ITFG1: variants seen among roughly 807,000 people sequenced by gnomAD.
ITFG1 encodes T-cell immunomodulatory protein.
Under a neutral mutation model 81.8 loss-of-function variants are expected in ITFG1, and 34 were observed. The observed-to-expected ratio is 0.42, with a 90% CI of 0.32 to 0.55. ITFG1 has a LOEUF of 0.55. Among genes scored for constraint, ITFG1 ranks in the 20% least tolerant of loss-of-function variants. The pLI is 0.17. For synonymous variants in ITFG1, 285 were observed against 270.6 expected, an observed-to-expected ratio of 1.05 and a Z score of -0.52; for missense variants, 672 against 755.4, an observed-to-expected ratio of 0.89 and a Z score of 1.29.
intron 8 of ITFG1, among the ~76,000 whole-genome samples, chr16:47,357,109 G>T (rs1968049469): frequency 6.6e-6 from 1 of 151,702 alleles, no homozygotes; most frequent in Non-Finnish European, 1.5e-5. Context: ...ATTTATCATA[G>T]ATCAATTATA....
chr16:47,216,813 C>T (rs181254097), intron 14 of ITFG1, among the ~76,000 whole-genome samples: 1 of 151,964 alleles, frequency 6.6e-6, no homozygotes, highest in East Asian at 1.9e-4. Flanking sequence ...AGGCGACCGC[C>T]ACCACGTGCA....
intron 8 of ITFG1, among the ~76,000 whole-genome samples, chr16:47,332,646 C>T (rs553520660): frequency 1.8e-4 from 27 of 152,250 alleles, no homozygotes; most frequent in African/African-American, 6.0e-4. Context: ...TCCTTTATCT[C>T]CATCATTTTA....
At chr16:47,210,622 G>A (rs1312365135) in intron 14 of ITFG1, among the ~76,000 whole-genome samples, 1 of 152,112 alleles carries the variant, frequency 6.6e-6, no homozygotes, top group Non-Finnish European at 1.5e-5. Context: ...ATATCCTCAT[G>A]ATTCTTGTTA....
chr16:47,200,877 G>A (rs930007672), intron 14 of ITFG1, among the ~76,000 whole-genome samples: 1 of 152,086 alleles, frequency 6.6e-6, no homozygotes, highest in East Asian at 1.9e-4. Context: ...TATTCTAATC[G>A]AAGCTAAAAA....
At chr16:47,445,273 A>G (rs1437269775) in intron 5 of ITFG1, among the ~76,000 whole-genome samples, 3 of 149,830 alleles carry the variant, frequency 2.0e-5, no homozygotes, top group Non-Finnish European at 3.0e-5. Flanking sequence ...AAAAAAAAAA[A>G]GATTTCCCCC....
intron 7 of ITFG1, among the ~76,000 whole-genome samples, chr16:47,368,004 G>C (rs557442537): frequency 6.6e-6 from 1 of 152,058 alleles, no homozygotes; most frequent in Non-Finnish European, 1.5e-5. Context: ...TTGGGAGGTC[G>C]AGGCGGGCGG....
intron 10 of ITFG1, among the ~76,000 whole-genome samples, chr16:47,307,210 T>A (rs542710958): frequency 2.0e-5 from 3 of 150,528 alleles, no homozygotes; most frequent in Admixed American, 6.6e-5. Flanking sequence ...ATCTAAAGAC[T>A]TAGAGAAAAT....
chr16:47,443,679 A>G (rs1032774252), intron 5 of ITFG1, among the ~76,000 whole-genome samples: 3 of 152,148 alleles, frequency 2.0e-5, no homozygotes, highest in African/African-American at 4.8e-5. Flanking sequence ...GTTCTCACTC[A>G]TAAGTGAGAA....
At chr16:47,340,215 T>C (rs1255050643) in intron 8 of ITFG1, among the ~76,000 whole-genome samples, 1 of 151,936 alleles carries the variant, frequency 6.6e-6, no homozygotes, top group African/African-American at 2.4e-5. Context: ...TAAAAAGCCA[T>C]ATAAAGAAAA....
intron 6 of ITFG1, among the ~76,000 whole-genome samples, chr16:47,389,711 T>C (rs1567483377): frequency 6.6e-6 from 1 of 152,154 alleles, no homozygotes; most frequent in African/African-American, 2.4e-5. Context: ...CTCACTGCAA[T>C]TAAGTTAGTA....
At chr16:47,231,363 C>A (rs1450252682) in intron 13 of ITFG1, among the ~76,000 whole-genome samples, 1 of 151,798 alleles carries the variant, frequency 6.6e-6, no homozygotes, top group East Asian at 1.9e-4. Flanking sequence ...ATGCCTTATA[C>A]TGAGAATAAA....
chr16:47,194,251 A>T (rs1454300837), intron 14 of ITFG1, among the ~76,000 whole-genome samples: 1 of 152,140 alleles, frequency 6.6e-6, no homozygotes, highest in Non-Finnish European at 1.5e-5. Context: ...TTTGAACTCT[A>T]TTGCACTTAT....
intron 6 of ITFG1, among the ~76,000 whole-genome samples, chr16:47,388,448 A>C (rs1968489993): frequency 6.6e-6 from 1 of 152,174 alleles, no homozygotes; most frequent in South Asian, 2.1e-4. Flanking sequence ...TTTTTGAAAG[A>C]AGCAAGGGAA....
intron 14 of ITFG1, among the ~76,000 whole-genome samples, chr16:47,204,259 C>T (rs944623559): frequency 6.6e-6 from 1 of 152,118 alleles, no homozygotes. Context: ...CCAACCCTGC[C>T]GAAGATTCAC....
intron 14 of ITFG1, among the ~76,000 whole-genome samples, chr16:47,203,740 T>G (rs1449647460): frequency 1.3e-5 from 2 of 152,208 alleles, no homozygotes; most frequent in Non-Finnish European, 1.5e-5. Flanking sequence ...GCTGCTCACC[T>G]CCTGCTATGT....
At chr16:47,226,057 A>G (rs1168754250) in intron 13 of ITFG1, among the ~76,000 whole-genome samples, 1 of 152,254 alleles carries the variant, frequency 6.6e-6, no homozygotes, top group Non-Finnish European at 1.5e-5. Context: ...TGTATTGACA[A>G]TAATAGTACA....
intron 10 of ITFG1, among the ~76,000 whole-genome samples, chr16:47,307,767 T>C (rs1596879674): frequency 6.6e-6 from 1 of 152,140 alleles, no homozygotes; most frequent in Non-Finnish European, 1.5e-5. Flanking sequence ...AGTACCCCAT[T>C]GTTAGTTTTT....
At chr16:47,195,531 A>C (rs2151518824) in intron 14 of ITFG1, among the ~76,000 whole-genome samples, 1 of 152,342 alleles carries the variant, frequency 6.6e-6, no homozygotes, top group Non-Finnish European at 1.5e-5. Context: ...GAAAAATAAA[A>C]GACCTTATTT....
intron 8 of ITFG1, among the ~76,000 whole-genome samples, chr16:47,325,362 T>G (rs1009240427): frequency 4.6e-5 from 7 of 150,724 alleles, no homozygotes; most frequent in African/African-American, 1.5e-4. Context: ...AATGCCCACA[T>G]GAGAAAGCAG....
Sources: allele counts gnomAD v4.1 joint callset (sites outside exome capture counted in the v4.1 genomes callset), GRCh38; gene constraint gnomAD v4.1.1; transcripts MANE v1.5; gene names NCBI Gene and HGNC (gene_info 2026-07-23, HGNC 2026-07-21).